PPARGC1A: variants seen among roughly 807,000 people sequenced by gnomAD.
The protein encoded by PPARGC1A is peroxisome proliferator-activated receptor gamma coactivator 1-alpha.
In PPARGC1A, 25 loss-of-function variants were observed where a neutral mutation model predicts 88.7. That is an observed-to-expected ratio of 0.28 (90% CI 0.21 to 0.39). The LOEUF (loss-of-function observed/expected upper bound fraction) is 0.39. Among genes scored for constraint, PPARGC1A ranks in the 10% least tolerant of loss-of-function variants. The probability of loss-of-function intolerance (pLI) is 1.00; values close to 1 mark genes in which losing one functional copy is unlikely to be tolerated. For synonymous variants in PPARGC1A, 363 were observed against 355.6 expected (o/e 1.02, Z -0.24); for missense variants, 880 against 968.7 (o/e 0.91, Z 1.22).
At chr4:23,819,522 G>T (rs1722593472) in intron 7 of PPARGC1A, among the ~76,000 whole-genome samples, 1 of 152,102 alleles carries the variant, frequency 6.6e-6, no homozygotes, top group African/African-American at 2.4e-5. Flanking sequence ...CTGGGATAGA[G>T]GATGGGTAAG....
the PPARGC1A span, among the ~76,000 whole-genome samples, chr4:23,979,649 G>A: frequency 1.3e-5 from 2 of 152,162 alleles, no homozygotes; most frequent in Admixed American, 1.3e-4. Flanking sequence ...AAAACTTAAT[G>A]ATCCCAATTC....
At chr4:23,898,763 T>C (rs769673642) in intron 1 of PPARGC1A, among the ~76,000 whole-genome samples, 53 of 152,146 alleles carry the variant, frequency 3.5e-4, no homozygotes, top group Admixed American at 2.0e-4. Flanking sequence ...ACCAAGCAGG[T>C]GATCAGAGTA....
chr4:24,211,198 T>A, the PPARGC1A span, among the ~76,000 whole-genome samples: 2 of 151,978 alleles, frequency 1.3e-5, no homozygotes, highest in African/African-American at 4.8e-5. Context: ...CGTGACTAGA[T>A]GAAAAAATAT....
At chr4:24,308,009 G>C in the PPARGC1A span, among the ~76,000 whole-genome samples, 7 of 152,040 alleles carry the variant, frequency 4.6e-5, no homozygotes, top group Non-Finnish European at 5.9e-5. Context: ...AAATCAGATC[G>C]GGCTGGGTGC....
chr4:23,799,280 C>T (rs994076199), intron 12 of PPARGC1A, among the ~76,000 whole-genome samples: 12 of 149,034 alleles, frequency 8.1e-5, no homozygotes, highest in South Asian at 2.4e-4. Context: ...CATTTTAAAA[C>T]GACTTTACAC....
chr4:24,133,200 T>TG, the PPARGC1A span, among the ~76,000 whole-genome samples: 10 of 152,010 alleles, frequency 6.6e-5, no homozygotes, highest in South Asian at 2.1e-4. Flanking sequence ...GGGGTGGTGG[T>TG]GGGGGGGAAG....
At chr4:23,979,425 T>C in the PPARGC1A span, among the ~76,000 whole-genome samples, 1 of 152,216 alleles carries the variant, frequency 6.6e-6, no homozygotes, top group Non-Finnish European at 1.5e-5. Context: ...TGCATCTACA[T>C]GGTTACAATT....
chr4:23,815,403 C>T (rs1344728196), intron 7 of PPARGC1A, among the ~76,000 whole-genome samples: 1 of 152,098 alleles, frequency 6.6e-6, no homozygotes, highest in Admixed American at 6.6e-5. Flanking sequence ...CACTAAATAT[C>T]ACAGTGCCAG....
At chr4:24,088,388 G>T in the PPARGC1A span, among the ~76,000 whole-genome samples, 1 of 151,598 alleles carries the variant, frequency 6.6e-6, no homozygotes, top group Non-Finnish European at 1.5e-5. Context: ...AAGGAAGAAG[G>T]AAGAAAGAAG....
the PPARGC1A span, among the ~76,000 whole-genome samples, chr4:24,118,739 C>G: frequency 1.3e-5 from 2 of 152,138 alleles, no homozygotes; most frequent in East Asian, 1.9e-4. Context: ...ATATCCACAT[C>G]TATTTATAAG....
chr4:24,364,345 G>A, the PPARGC1A span, among the ~76,000 whole-genome samples: 2 of 152,324 alleles, frequency 1.3e-5, no homozygotes, highest in African/African-American at 4.8e-5. Flanking sequence ...CATTTCGGAT[G>A]AGAAAACCCT....
At chr4:24,369,634 C>T in the PPARGC1A span, among the ~76,000 whole-genome samples, 457 of 152,232 alleles carry the variant, frequency 3.0e-3, 4 homozygotes, top group African/African-American at 0.011. Context: ...AACTCATTCA[C>T]TTTTTAAAAA....
the PPARGC1A span, among the ~76,000 whole-genome samples, chr4:24,265,638 A>G: frequency 6.6e-6 from 1 of 152,198 alleles, no homozygotes; most frequent in Non-Finnish European, 1.5e-5. Context: ...ACCTATGATT[A>G]GTCCAAAAAT....
At position 23,813,108 on chromosome 4, in the gene PPARGC1A, T is replaced by C. The variant is rs1192458960; in HGVS notation, c.1811A>G (p.Glu604Gly). 1.2e-6 allele frequency: 2 copies of C among 1,614,028 alleles called. No individual in the cohort carries two copies. The highest frequency in any genetic ancestry group is 3.3e-5 in the Admixed American group (2 of 60,018). ...RSSSRSCYYY[E>G]SSHYRHRTHR... The stretch of plus-strand genomic sequence containing the variant: ...CGTGCGGTGTCTGTAGTGGCTTGAC[T>C]CATAGTAATAGCAGGATCTGCGCCA... The change falls in exon 9 of 13, where the codon GAG (glutamate) becomes GGG (glycine). Residue 604 changes from glutamate to glycine, a missense_variant. Physicochemically the swap from Glu to Gly is moderately conservative, Grantham distance 98. Transcript: ENST00000264867.
the PPARGC1A span, among the ~76,000 whole-genome samples, chr4:23,910,368 ATATTATAT>A: frequency 9.5e-6 from 1 of 105,192 alleles, no homozygotes; most frequent in East Asian, 2.2e-4. Flanking sequence ...TATATATATT[ATATTATAT>A]TATATATATT....
intron 2 of PPARGC1A, among the ~76,000 whole-genome samples, chr4:23,871,968 G>A (rs1713471717): frequency 6.6e-6 from 1 of 152,090 alleles, no homozygotes; most frequent in African/African-American, 2.4e-5. Flanking sequence ...GGGATCGGTA[G>A]CATTCTTCCT....
chr4:24,006,488 T>C, the PPARGC1A span, among the ~76,000 whole-genome samples: 1 of 152,218 alleles, frequency 6.6e-6, no homozygotes, highest in Admixed American at 6.5e-5. Context: ...CCCCTTAACA[T>C]TGGCTCAAAC....
the PPARGC1A span, among the ~76,000 whole-genome samples, chr4:24,387,835 A>G: frequency 9.6e-6 from 1 of 104,280 alleles, no homozygotes; most frequent in African/African-American, 2.8e-5. Flanking sequence ...AGAGAAAGAG[A>G]GAAAGAGAGA....
chr4:24,405,720 A>G, the PPARGC1A span, among the ~76,000 whole-genome samples: 1 of 152,158 alleles, frequency 6.6e-6, no homozygotes, highest in South Asian at 2.1e-4. Context: ...AGTATGGCCA[A>G]TCCCCTTAAG....
Sources: allele counts gnomAD v4.1 joint callset (sites outside exome capture counted in the v4.1 genomes callset), GRCh38; gene constraint gnomAD v4.1.1; transcripts MANE v1.5; gene names NCBI Gene and HGNC (gene_info 2026-07-23, HGNC 2026-07-21).